The following TMC2 variants were observed in gnomAD, a reference collection of about 807,000 sequenced individuals.
TMC2 encodes the protein transmembrane channel like 2, also known as transmembrane channel-like protein 2.
Under a neutral mutation model 105.9 loss-of-function variants are expected in TMC2, and 102 were observed. That is an observed-to-expected ratio of 0.96 (90% CI 0.82 to 1.14). The LOEUF is 1.14. TMC2 is among the 50% of genes most tolerant of loss of function. The probability of loss-of-function intolerance (pLI) is 0.00; values close to 1 mark genes in which losing one functional copy is unlikely to be tolerated. For synonymous variants in TMC2, 402 were observed against 422.8 expected (o/e 0.95, Z 0.60); for missense variants, 1,093 against 1,134.3 (o/e 0.96, Z 0.52).
At chr20:2,565,815 A>C (rs1368089256) in intron 4 of TMC2, among the ~76,000 whole-genome samples, 1 of 152,100 alleles carries the variant, frequency 6.6e-6, no homozygotes, top group Non-Finnish European at 1.5e-5. Flanking sequence ...TGAGGCGGGC[A>C]GATCACTTGA....
chr20:2,625,542 A>G (rs1057445442), intron 17 of TMC2, among the ~76,000 whole-genome samples: 7 of 152,216 alleles, frequency 4.6e-5, no homozygotes, highest in African/African-American at 1.4e-4. Flanking sequence ...TCCTCAAACA[A>G]CATTATGTTG....
chr20:2,593,611 C>T (rs1206287763), intron 8 of TMC2, among the ~76,000 whole-genome samples: 1 of 152,136 alleles, frequency 6.6e-6, no homozygotes, highest in Non-Finnish European at 1.5e-5. Context: ...AATAGGATCC[C>T]ATCATTAGGC....
rs866365768 is a variant in TMC2 at position 2,576,919 on chromosome 20, T to G, written c.646-2227T>G. 2.8e-4 allele frequency among the ~76,000 whole-genome samples: 42 copies of G among 149,460 alleles called. 1 individual carries two copies. The Middle Eastern group carries it at 0.01, about 36-fold the overall frequency. ...TTCTTGGTTTTTTTTTTTTGTTTTT[T>G]TTTTTTTGAGATGGAGTCTCGCTCT... On this transcript the variant is annotated intron_variant, in intron 5 of 19. Coordinates refer to ENST00000358864, the MANE Select transcript of TMC2 (RefSeq NM_080751.3).
At chr20:2,536,717 T>G in intron 1 of TMC2, 62 bp downstream of exon 1, 1 of 1,531,078 alleles carries the variant, frequency 6.5e-7, no homozygotes, top group South Asian at 1.2e-5. Context: ...CAGCAGGGGA[T>G]GGGGGAAGCA....
At chr20:2,619,980 G>A (rs1415280888) in intron 16 of TMC2, among the ~76,000 whole-genome samples, 1 of 152,132 alleles carries the variant, frequency 6.6e-6, no homozygotes, top group South Asian at 2.1e-4. Flanking sequence ...TTGGGAGGCT[G>A]AGGTGGGAGG....
intron 2 of TMC2, among the ~76,000 whole-genome samples, chr20:2,538,153 C>T (rs554819359): frequency 1.3e-5 from 2 of 152,202 alleles, no homozygotes; most frequent in East Asian, 1.9e-4. Flanking sequence ...CTGCCCTTTC[C>T]GCTCCTGTGA....
chr20:2,612,371 C>T, intron 13 of TMC2, 31 bp downstream of exon 13: 8 of 1,492,910 alleles, frequency 5.4e-6, no homozygotes, highest in Non-Finnish European at 7.2e-6. Flanking sequence ...AAAAGGTGAC[C>T]CCTGTTCTCA....
Position 2,557,297 on chromosome 20 carries a change from G to A in TMC2, c.83-1159G>A, listed in dbSNP as rs539165633. Among the ~76,000 whole-genome samples, 23 of 152,140 alleles carry A rather than the reference G, an allele frequency of 1.5e-4. No individual in the cohort carries two copies. The South Asian group carries it at 4.6e-3, about 30-fold the overall frequency. On this transcript the variant is annotated intron_variant, in intron 2 of 19. Coordinates refer to ENST00000358864, the MANE Select transcript of TMC2 (RefSeq NM_080751.3). ...TTTCTTTTCTTTTTGCTTTCAGTTT[G>A]GGAAGTTTCTATTGACATATCCTCC...
chr20:2,597,244 C>T lies in TMC2; in HGVS notation c.1170C>T (p.Ile390=), dbSNP rs143009341. 1.4e-4 allele frequency: 234 copies of T among 1,614,042 alleles called. No homozygotes were observed. The highest frequency in any genetic ancestry group is 2.2e-4 in the South Asian group (20 of 91,046). The change falls in exon 10 of 20, where the codon ATC becomes ATT. Residue 390 remains isoleucine (I), a synonymous_variant. Coordinates refer to ENST00000358864, the MANE Select transcript of TMC2 (RefSeq NM_080751.3). ...TGTTCACCAGCTGGGACTACCTGAT[C>T]GGGAATTCAGAGACAGCTGATAACA... ...FKMFTSWDYL[I]GNSETADNKY... is the part of the protein sequence containing the mutation.
intron 2 of TMC2, among the ~76,000 whole-genome samples, chr20:2,548,635 T>A (rs35691040): frequency 2.0e-5 from 3 of 148,902 alleles, no homozygotes; most frequent in Non-Finnish European, 4.4e-5. Flanking sequence ...CGAAACTCCA[T>A]CTCAAAAAAA....
chr20:2,580,051 C>G lies in TMC2; in HGVS notation c.829C>G (p.Pro277Ala). ...CTTAATATTTGGTCTAGTCATAATC[C>G]CAGAGGTAAGAAAAGAACTTCCTAA... ...FGLIFGLVII[P>A]EVLMGMPYGS... The change falls in exon 7 of 20, where the codon CCA (proline) becomes GCA (alanine). Residue 277 changes from proline (P) to alanine (A), a missense_variant. Pro to Ala is a conservative substitution (Grantham distance 27). Coordinates refer to ENST00000358864, the MANE Select transcript of TMC2 (RefSeq NM_080751.3). The G allele has an allele frequency of 6.2e-7, 1 of 1,602,204 alleles. No individual in the cohort carries two copies. The highest frequency in any genetic ancestry group is 1.7e-4 in the Middle Eastern group (1 of 6,042).
At chr20:2,626,973 GGGA>G (rs1247913914) in intron 17 of TMC2, among the ~76,000 whole-genome samples, 1 of 152,230 alleles carries the variant, frequency 6.6e-6, no homozygotes, top group Non-Finnish European at 1.5e-5. Flanking sequence ...AGAAAGAGCA[GGGA>G]GGAGGAGGTA....
intron 7 of TMC2, among the ~76,000 whole-genome samples, chr20:2,584,533 G>T (rs2086219424): frequency 6.6e-6 from 1 of 151,404 alleles, no homozygotes; most frequent in Admixed American, 6.6e-5. Flanking sequence ...ACACACTGAA[G>T]TCCTCTGATT....
chr20:2,553,726 C>T (rs115251325), intron 2 of TMC2, among the ~76,000 whole-genome samples: 3,132 of 152,204 alleles, frequency 0.021, 55 homozygotes, highest in South Asian at 0.057. Flanking sequence ...TATTAATTGC[C>T]GAGACAATTT....
intron 14 of TMC2, 64 bp downstream of exon 14, chr20:2,613,386 A>AGGG (rs1289894933): frequency 6.2e-7 from 1 of 1,604,812 alleles, no homozygotes; most frequent in Admixed American, 1.7e-5. Flanking sequence ...TGATACTTAT[A>AGGG]GCCAGATGCA....
intron 4 of TMC2, 82 bp downstream of exon 4, chr20:2,562,092 C>T: frequency 3.3e-6 from 5 of 1,496,684 alleles, no homozygotes; most frequent in South Asian, 1.3e-5. Context: ...CTCCACATTT[C>T]CCCAAAGGGG....
At chr20:2,602,050 A>C in intron 10 of TMC2, 63 bp from the exon 11 acceptor site, 1 of 1,250,928 alleles carries the variant, frequency 8.0e-7, no homozygotes, top group Non-Finnish European at 1.1e-6. Flanking sequence ...TCAGGGACCC[A>C]ACAGCCATGG....
chr20:2,564,437 A>G (rs1474786735), intron 4 of TMC2, among the ~76,000 whole-genome samples: 1 of 151,606 alleles, frequency 6.6e-6, no homozygotes, highest in Non-Finnish European at 1.5e-5. Context: ...GGCATGAGCC[A>G]CCGCGCCCGG....
intron 17 of TMC2, among the ~76,000 whole-genome samples, chr20:2,627,238 G>A (rs534513177): frequency 3.3e-5 from 5 of 152,096 alleles, no homozygotes; most frequent in East Asian, 1.9e-4. Context: ...CCTCCACCTT[G>A]GCAGGGCTTA....
Sources: allele counts gnomAD v4.1 joint callset (sites outside exome capture counted in the v4.1 genomes callset), GRCh38; gene constraint gnomAD v4.1.1; transcripts MANE v1.5; gene names NCBI Gene and HGNC (gene_info 2026-07-23, HGNC 2026-07-21).